KHDRBS2: variants seen among roughly 807,000 people sequenced by gnomAD.
The protein encoded by KHDRBS2 is KH domain-containing, RNA-binding, signal transduction-associated protein 2.
KHDRBS2 carries 26 observed loss-of-function variants against 44.3 expected under a neutral mutation model. The ratio of observed to expected loss-of-function variants is 0.59; its 90% CI spans 0.43 to 0.81. The LOEUF is 0.81. KHDRBS2 is among the 40% of genes least tolerant of loss of function. The pLI is 0.00. For synonymous variants in KHDRBS2, 194 were observed against 151.1 expected (o/e 1.28, Z -2.08); for missense variants, 476 against 433.1 (o/e 1.10, Z -0.88).
the KHDRBS2 span, among the ~76,000 whole-genome samples, chr6:61,568,522 GA>G: frequency 1.3e-5 from 2 of 152,010 alleles, no homozygotes; most frequent in Non-Finnish European, 2.9e-5. Flanking sequence ...CAAGAAAACA[GA>G]AAAAAATCAC....
intron 1 of KHDRBS2, among the ~76,000 whole-genome samples, chr6:62,222,225 G>GGA (rs910668139): frequency 2.0e-5 from 3 of 151,710 alleles, no homozygotes; most frequent in South Asian, 2.1e-4. Context: ...AGTGAGGGAG[G>GGA]GAGAGAGAGA....
the KHDRBS2 span, among the ~76,000 whole-genome samples, chr6:61,589,766 GT>G: frequency 2.6e-5 from 4 of 152,158 alleles, no homozygotes; most frequent in Admixed American, 2.0e-4. Context: ...AAAAAGAGAT[GT>G]TTGTGGATGT....
At chr6:61,991,000 A>C (rs966227831) in intron 3 of KHDRBS2, among the ~76,000 whole-genome samples, 10 of 152,142 alleles carry the variant, frequency 6.6e-5, no homozygotes, top group Admixed American at 3.9e-4. Context: ...GAGCCACTGC[A>C]ACCAGCCTGA....
intron 3 of KHDRBS2, among the ~76,000 whole-genome samples, chr6:62,007,474 T>C (rs115960305): frequency 7.6e-4 from 116 of 152,154 alleles, no homozygotes; most frequent in African/African-American, 2.6e-3. Context: ...CTTCTCTGCC[T>C]AATCGGGTGT....
the KHDRBS2 span, among the ~76,000 whole-genome samples, chr6:61,563,151 T>C: frequency 1.3e-5 from 2 of 152,146 alleles, no homozygotes; most frequent in African/African-American, 4.8e-5. Context: ...CTTCAAGACT[T>C]TCTGGTATCA....
intron 6 of KHDRBS2, among the ~76,000 whole-genome samples, chr6:61,849,423 C>T (rs1795130869): frequency 2.6e-5 from 4 of 151,990 alleles, no homozygotes; most frequent in Admixed American, 6.6e-5. Context: ...AAGTTGCTTA[C>T]ATGTACTAAA....
intron 6 of KHDRBS2, among the ~76,000 whole-genome samples, chr6:61,890,587 T>C (rs767352632): frequency 6.6e-6 from 1 of 152,232 alleles, no homozygotes; most frequent in African/African-American, 2.4e-5. Context: ...TAAAAACTGA[T>C]CTGTTTAAGC....
chr6:61,575,911 C>T, the KHDRBS2 span, among the ~76,000 whole-genome samples: 1 of 151,948 alleles, frequency 6.6e-6, no homozygotes, highest in Non-Finnish European at 1.5e-5. Flanking sequence ...TATGAGGACA[C>T]AAAGGCATAA....
chr6:62,234,115 C>G (rs911621410), intron 1 of KHDRBS2, among the ~76,000 whole-genome samples: 1 of 151,984 alleles, frequency 6.6e-6, no homozygotes, highest in African/African-American at 2.4e-5. Flanking sequence ...CTATAATAAT[C>G]ATGAAATAAA....
chr6:61,877,087 A>G (rs1229895594), intron 6 of KHDRBS2, among the ~76,000 whole-genome samples: 5 of 152,014 alleles, frequency 3.3e-5, no homozygotes, highest in African/African-American at 1.2e-4. Flanking sequence ...TTTGTGCCAC[A>G]ATGTCAGAGT....
intron 6 of KHDRBS2, among the ~76,000 whole-genome samples, chr6:61,875,005 A>G (rs1799212595): frequency 6.6e-6 from 1 of 152,146 alleles, no homozygotes; most frequent in African/African-American, 2.4e-5. Flanking sequence ...AAGGCCTACC[A>G]TCTAGCAGAA....
intron 4 of KHDRBS2, among the ~76,000 whole-genome samples, chr6:61,944,879 T>C (rs570788401): frequency 6.6e-6 from 1 of 151,458 alleles, no homozygotes; most frequent in African/African-American, 2.4e-5. Context: ...TCACCTGAGA[T>C]CAGGAGCTCA....
chr6:61,749,293 G>A (rs1434190897), intron 6 of KHDRBS2, among the ~76,000 whole-genome samples: 1 of 152,060 alleles, frequency 6.6e-6, no homozygotes. Flanking sequence ...GATTACAGGC[G>A]TGAGCCACCG....
intron 1 of KHDRBS2, among the ~76,000 whole-genome samples, chr6:62,186,566 G>A (rs1823463986): frequency 1.3e-5 from 2 of 151,548 alleles, no homozygotes; most frequent in Admixed American, 6.6e-5. Context: ...TAAATGCTAG[G>A]AATATCATAC....
intron 3 of KHDRBS2, among the ~76,000 whole-genome samples, chr6:62,014,457 ATAAG>A (rs1226175332): frequency 3.3e-5 from 5 of 152,170 alleles, no homozygotes; most frequent in African/African-American, 7.2e-5. Context: ...TTGTTTATGA[ATAAG>A]TAAGTAACAG....
intron 2 of KHDRBS2, among the ~76,000 whole-genome samples, chr6:62,052,526 A>G (rs890357792): frequency 1.3e-4 from 19 of 150,286 alleles, no homozygotes; most frequent in African/African-American, 4.6e-4. Flanking sequence ...AAGTCTAGAG[A>G]CAGAGTGTAC....
the KHDRBS2 span, among the ~76,000 whole-genome samples, chr6:61,647,763 A>G: frequency 3.0e-4 from 46 of 152,156 alleles, no homozygotes; most frequent in African/African-American, 1.1e-3. Context: ...GTATCACTCA[A>G]TTAGCCTCCA....
At chr6:61,662,254 G>C in the KHDRBS2 span, among the ~76,000 whole-genome samples, 1 of 152,030 alleles carries the variant, frequency 6.6e-6, no homozygotes, top group Non-Finnish European at 1.5e-5. Context: ...AATTCGAGAT[G>C]GATTAAAGAC....
intron 6 of KHDRBS2, among the ~76,000 whole-genome samples, chr6:61,862,513 G>C (rs1797140769): frequency 6.6e-6 from 1 of 152,050 alleles, no homozygotes; most frequent in African/African-American, 2.4e-5. Flanking sequence ...AGTTAATTGA[G>C]AACACTTAAC....
Sources: gnomAD v4.1 joint callset for allele counts (sites outside exome capture counted in the v4.1 genomes callset) on GRCh38, gnomAD v4.1.1 for gene constraint, MANE v1.5 for transcripts, NCBI Gene and HGNC (gene_info 2026-07-23, HGNC 2026-07-21) for gene names.